Variants in DDX10 observed in about 807,000 individuals in gnomAD.
DDX10 encodes the protein probable ATP-dependent RNA helicase DDX10.
DDX10 carries 74 observed loss-of-function variants against 104.3 expected under a neutral mutation model. The observed-to-expected ratio is 0.71, with a 90% CI of 0.59 to 0.86. DDX10 has a LOEUF of 0.86. Ranked by LOEUF, DDX10 falls within the 40% of genes least tolerant of loss-of-function variation. The probability of loss-of-function intolerance (pLI) is 0.00; values close to 1 mark genes in which losing one functional copy is unlikely to be tolerated. For missense variants in DDX10, 952 were observed against 1,040.0 expected, an observed-to-expected ratio of 0.92 and a Z score of 1.16; for synonymous variants, 351 against 353.4, an observed-to-expected ratio of 0.99 and a Z score of 0.08.
intron 17 of DDX10, among the ~76,000 whole-genome samples, chr11:108,936,891 T>C (rs1282065665): frequency 6.6e-6 from 1 of 152,202 alleles, no homozygotes; most frequent in Non-Finnish European, 1.5e-5. Context: ...TCAAGAAAGA[T>C]TGTGCCCATT....
intron 13 of DDX10, among the ~76,000 whole-genome samples, chr11:108,751,000 T>TC (rs988316417): frequency 7.7e-6 from 1 of 130,242 alleles, no homozygotes; most frequent in Non-Finnish European, 1.6e-5. Context: ...CATGCTAGTC[T>TC]CCAACTGCTG....
intron 13 of DDX10, among the ~76,000 whole-genome samples, chr11:108,834,333 T>TG (rs1862517663): frequency 6.6e-6 from 1 of 152,064 alleles, no homozygotes; most frequent in Non-Finnish European, 1.5e-5. Context: ...TTTGAGTAAG[T>TG]TGCCAATATC....
intron 13 of DDX10, among the ~76,000 whole-genome samples, chr11:108,760,167 T>C (rs1272935950): frequency 6.6e-6 from 1 of 151,530 alleles, no homozygotes; most frequent in Admixed American, 6.6e-5. Flanking sequence ...GTGGGTTGAT[T>C]CCCCCCCCAC....
At chr11:108,930,363 A>G (rs1328089065) in intron 17 of DDX10, among the ~76,000 whole-genome samples, 1 of 152,162 alleles carries the variant, frequency 6.6e-6, no homozygotes, top group Non-Finnish European at 1.5e-5. Context: ...ATAATATTCC[A>G]TTGTATGGAT....
At chr11:108,757,419 G>T (rs1460952448) in intron 13 of DDX10, among the ~76,000 whole-genome samples, 2 of 151,940 alleles carry the variant, frequency 1.3e-5, no homozygotes, top group Non-Finnish European at 2.9e-5. Context: ...ATGGGATTTG[G>T]AAACAGTTGT....
In DDX10 at chr11:108,723,359, C is replaced by T. The variant is rs553938735; in HGVS notation, c.1862C>T (p.Thr621Ile). 1.8e-5 allele frequency: 29 copies of T among 1,613,866 alleles called. No individual in the cohort carries two copies. The Middle Eastern group carries it at 6.6e-4, about 37-fold the overall frequency. ...GCACAGAAGATCAAGGAAGTTCCTA[C>T]ACAGTTCTTGGACAGAGATGAGGAG... Reference protein sequence around the residue: ...SEAQKIKEVPTQFLDRDEEEE... With the variant: ...SEAQKIKEVPIQFLDRDEEEE... Residue 621 changes from threonine (T) to isoleucine (I), a missense_variant, in exon 13 of 18, where the codon ACA becomes ATA. By Grantham distance (89) the Thr-to-Ile change is moderately conservative. Around this residue, in one of 3 missense-constraint regions of DDX10, gnomAD observed 533 missense variants for 534.1 expected, o/e 1.00. Transcript: ENST00000322536.
chr11:108,726,644 C>T (rs558153624), intron 13 of DDX10, among the ~76,000 whole-genome samples: 330 of 151,850 alleles, frequency 2.2e-3, no homozygotes, highest in Middle Eastern at 3.4e-3. Flanking sequence ...GGTTTCATTT[C>T]TTCCTTTTTC....
intron 16 of DDX10, among the ~76,000 whole-genome samples, chr11:108,857,302 C>G (rs1266951334): frequency 2.6e-5 from 4 of 152,132 alleles, no homozygotes; most frequent in Non-Finnish European, 5.9e-5. Context: ...GGGCTGAGAT[C>G]TAGAAGGCAG....
At chr11:108,665,428 G>C in intron 1 of DDX10, 89 bp downstream of exon 1, 1 of 1,413,804 alleles carries the variant, frequency 7.1e-7, no homozygotes, top group Non-Finnish European at 9.3e-7. Context: ...GGAGGCGGCG[G>C]ATCTGTCACC....
At chr11:108,845,315 C>T (rs954996164) in intron 15 of DDX10, among the ~76,000 whole-genome samples, 7 of 152,192 alleles carry the variant, frequency 4.6e-5, no homozygotes, top group African/African-American at 7.2e-5. Context: ...TAATCCTGCA[C>T]AAATTACTTT....
intron 13 of DDX10, chr11:108,822,756 C>A (rs1862343743): frequency 6.5e-6 from 1 of 153,714 alleles, no homozygotes; most frequent in Non-Finnish European, 1.4e-5. Flanking sequence ...TTCAAGGATT[C>A]TTTTCATTTT....
chr11:108,882,467 T>A (rs1024170948), intron 16 of DDX10, among the ~76,000 whole-genome samples: 14 of 152,156 alleles, frequency 9.2e-5, no homozygotes, highest in African/African-American at 3.4e-4. Context: ...TGGGCTGAAA[T>A]GAGCTCAGCA....
chr11:108,739,503 T>C (rs1403603351), intron 13 of DDX10, among the ~76,000 whole-genome samples: 1 of 152,368 alleles, frequency 6.6e-6, no homozygotes, highest in East Asian at 1.9e-4. Context: ...GTAAGGAATA[T>C]ATATTATTCA....
At chr11:108,724,763 T>C (rs967148713) in intron 13 of DDX10, among the ~76,000 whole-genome samples, 4 of 152,128 alleles carry the variant, frequency 2.6e-5, no homozygotes, top group African/African-American at 9.6e-5. Flanking sequence ...ATTGTTCACG[T>C]AAGTAGGACA....
chr11:108,856,758 C>A (rs1354431101), intron 16 of DDX10, among the ~76,000 whole-genome samples: 1 of 151,982 alleles, frequency 6.6e-6, no homozygotes, highest in Non-Finnish European at 1.5e-5. Flanking sequence ...TGAGCTTTTT[C>A]TGATCCATGA....
chr11:108,890,393 T>C (rs1032500095), intron 16 of DDX10, among the ~76,000 whole-genome samples: 1 of 152,156 alleles, frequency 6.6e-6, no homozygotes, highest in African/African-American at 2.4e-5. Flanking sequence ...GTCTGTGTAG[T>C]AGGATTTATC....
chr11:108,799,737 A>G (rs1218174923), intron 13 of DDX10, among the ~76,000 whole-genome samples: 1 of 152,072 alleles, frequency 6.6e-6, no homozygotes, highest in Non-Finnish European at 1.5e-5. Flanking sequence ...ACTTGTTTGT[A>G]TTATCAGCTT....
intron 13 of DDX10, among the ~76,000 whole-genome samples, chr11:108,801,775 A>T (rs536162164): frequency 4.0e-4 from 61 of 152,168 alleles, no homozygotes; most frequent in African/African-American, 1.4e-3. Flanking sequence ...GCTCTTAACC[A>T]ATGTATATAC....
intron 13 of DDX10, among the ~76,000 whole-genome samples, chr11:108,781,362 T>C (rs1227155189): frequency 6.6e-6 from 1 of 152,230 alleles, no homozygotes; most frequent in Non-Finnish European, 1.5e-5. Flanking sequence ...AGCATGGCAT[T>C]GAACATGTGA....
Sources: allele counts gnomAD v4.1 joint callset (sites outside exome capture counted in the v4.1 genomes callset), GRCh38; gene constraint gnomAD v4.1.1; regional missense constraint gnomAD v4.1.1; transcripts MANE v1.5; gene names NCBI Gene and HGNC (gene_info 2026-07-23, HGNC 2026-07-21).